The following MIPEP variants were observed in gnomAD, a reference collection of about 807,000 sequenced individuals.
MIPEP encodes the protein mitochondrial intermediate peptidase.
MIPEP carries 79 observed loss-of-function variants against 90.3 expected under a neutral mutation model. The ratio of observed to expected loss-of-function variants is 0.87; its 90% CI spans 0.73 to 1.05. MIPEP has a LOEUF of 1.05. MIPEP is among the 50% of genes least tolerant of loss of function. The pLI, the probability that MIPEP is intolerant of heterozygous loss-of-function variation, is 0.00. For synonymous variants in MIPEP, 334 were observed against 315.8 expected (o/e 1.06, Z -0.61); for missense variants, 940 against 905.6 (o/e 1.04, Z -0.49).
intron 16 of MIPEP, among the ~76,000 whole-genome samples, chr13:23,791,471 G>GC (rs1450344368): frequency 5.9e-5 from 9 of 152,106 alleles, no homozygotes; most frequent in Admixed American, 5.2e-4. Context: ...ACTGAGCAAA[G>GC]CCCCGGAAGA....
chr13:23,813,372 G>A (rs571826999), intron 14 of MIPEP, among the ~76,000 whole-genome samples: 2 of 152,256 alleles, frequency 1.3e-5, no homozygotes, highest in Admixed American at 6.5e-5. Context: ...AGATGTGCAA[G>A]TCCCTGCTGT....
intron 16 of MIPEP, among the ~76,000 whole-genome samples, chr13:23,801,679 T>C (rs1483080283): frequency 5.9e-5 from 9 of 152,272 alleles, no homozygotes; most frequent in African/African-American, 1.2e-4. Flanking sequence ...CTCTGAACTT[T>C]ATATAAATGT....
intron 14 of MIPEP, among the ~76,000 whole-genome samples, chr13:23,825,113 C>G (rs991107754): frequency 4.6e-5 from 7 of 152,118 alleles, no homozygotes; most frequent in Admixed American, 2.6e-4. Context: ...TATAAAGGAG[C>G]AGAAAAGTCT....
At position 23,809,845 on chromosome 13, in the gene MIPEP, C is replaced by A. The variant is rs557275294; in HGVS notation, c.1728+5G>T. 115 of 1,600,324 alleles carry A rather than the reference C, an allele frequency of 7.2e-5. No individual in the cohort carries two copies. In the Middle Eastern group the frequency reaches 8.3e-4, roughly 12 times the overall value. ...GAAAACTTCAGAACAAAGGTACATA[C>A]ATACCTGAAGTTGCATATCAGCTGC... On this transcript the variant is annotated splice_donor_5th_base_variant and intron_variant, in intron 15 of 18. Coordinates refer to ENST00000382172, the MANE Select transcript of MIPEP (RefSeq NM_005932.4).
At chr13:23,777,192 C>T (rs988405810) in intron 16 of MIPEP, among the ~76,000 whole-genome samples, 1 of 152,174 alleles carries the variant, frequency 6.6e-6, no homozygotes, top group African/African-American at 2.4e-5. Context: ...TGCTGTGGCT[C>T]TCAACTCTGA....
At chr13:23,886,839 A>G (rs1391949009) in intron 1 of MIPEP, among the ~76,000 whole-genome samples, 1 of 151,766 alleles carries the variant, frequency 6.6e-6, no homozygotes, top group Non-Finnish European at 1.5e-5. Flanking sequence ...GTAAATATAT[A>G]TATATATATA....
intron 18 of MIPEP, among the ~76,000 whole-genome samples, chr13:23,748,653 T>C (rs1442910049): frequency 2.6e-5 from 4 of 152,248 alleles, no homozygotes; most frequent in Admixed American, 2.6e-4. Context: ...AATGTATCTG[T>C]GTGAAGGGGT....
At position 23,837,693 on chromosome 13, in the gene MIPEP, C is replaced by T. The variant is rs1279421722; in HGVS notation, c.1402G>A (p.Val468Ile). Reference sequence around the variant, plus strand: ...CGGGGAAGATTCAGCATAAGAACTACAACTGGGAGTTGATAGTCTCCATCT... The same window carrying T: ...CGGGGAAGATTCAGCATAAGAACTATAACTGGGAGTTGATAGTCTCCATCT... ...KEDGDYQLPV[V>I]VLMLNLPRSS... Residue 468 changes from valine to isoleucine, a missense_variant, in exon 13 of 19, where the codon GTA becomes ATA. Val to Ile is a conservative substitution (Grantham distance 29). Coordinates refer to ENST00000382172, the MANE Select transcript of MIPEP (RefSeq NM_005932.4). The T allele has an allele frequency of 1.2e-6, 2 of 1,614,108 alleles. No individual in the cohort carries two copies. Among genetic ancestry groups the T allele is most frequent in the Non-Finnish European group, 1.7e-6 (2 of 1,179,936 alleles).
intron 16 of MIPEP, among the ~76,000 whole-genome samples, chr13:23,780,640 A>AT (rs1952771719): frequency 6.6e-6 from 1 of 152,248 alleles, no homozygotes; most frequent in South Asian, 2.1e-4. Flanking sequence ...AAGGCTTCAG[A>AT]TGATCAAACT....
At chr13:23,789,231 C>T (rs559049239) in intron 16 of MIPEP, among the ~76,000 whole-genome samples, 3 of 152,226 alleles carry the variant, frequency 2.0e-5, no homozygotes, top group South Asian at 2.1e-4. Context: ...AGTTTGTTTG[C>T]CAGTACATTT....
chr13:23,831,408 G>A (rs1337396110), intron 14 of MIPEP, among the ~76,000 whole-genome samples: 1 of 150,432 alleles, frequency 6.6e-6, no homozygotes, highest in Non-Finnish European at 1.5e-5. Context: ...GATGGGAATT[G>A]CCTTACTGCA....
At chr13:23,885,725 T>G (rs1428438539) in intron 2 of MIPEP, among the ~76,000 whole-genome samples, 3 of 151,644 alleles carry the variant, frequency 2.0e-5, no homozygotes, top group Non-Finnish European at 4.4e-5. Context: ...ATGTCAAAAC[T>G]TGGTTTTTAA....
At chr13:23,875,025 A>G (rs1308454590) in intron 4 of MIPEP, 116 bp from the exon 5 acceptor site, 1 of 444,470 alleles carries the variant, frequency 2.2e-6, no homozygotes. Context: ...AAGTTTCTTC[A>G]AAACACACAC....
chr13:23,802,698 T>TTTTTTTTTTTTTTTTTTTGAGACGG (rs1953058257), intron 16 of MIPEP, among the ~76,000 whole-genome samples: 1 of 152,106 alleles, frequency 6.6e-6, no homozygotes, highest in African/African-American at 2.4e-5. Context: ...AAAGATTTTT[T>TTTTTTTTTTTTTTTTTTTGAGACGG]AACTTTAAGA....
At chr13:23,760,321 T>C in intron 16 of MIPEP, 104 bp from the exon 17 acceptor site, 1 of 1,455,026 alleles carries the variant, frequency 6.9e-7, no homozygotes, top group East Asian at 2.3e-5. Flanking sequence ...CGTAAATGCT[T>C]TCATTTGCAT....
intron 16 of MIPEP, among the ~76,000 whole-genome samples, chr13:23,794,264 G>A (rs1005343098): frequency 1.1e-4 from 17 of 152,160 alleles, no homozygotes; most frequent in African/African-American, 4.1e-4. Context: ...GACCTGAGGA[G>A]GAGGGAGACT....
chr13:23,876,690 G>A (rs1414858981), intron 4 of MIPEP, among the ~76,000 whole-genome samples: 1 of 143,242 alleles, frequency 7.0e-6, no homozygotes, highest in Non-Finnish European at 1.6e-5. Flanking sequence ...CAACATTTGT[G>A]TGTTCTGACT....
chr13:23,747,096 G>C (rs970283771), intron 18 of MIPEP, among the ~76,000 whole-genome samples: 1 of 152,172 alleles, frequency 6.6e-6, no homozygotes, highest in Non-Finnish European at 1.5e-5. Flanking sequence ...GAGTGTGACC[G>C]ACTCCTGACT....
chr13:23,851,682 T>C (rs549664621), intron 10 of MIPEP, among the ~76,000 whole-genome samples: 1 of 127,640 alleles, frequency 7.8e-6, no homozygotes, highest in Non-Finnish European at 1.6e-5. Flanking sequence ...TGATATTTCA[T>C]GTCTTTTTTT....
Sources: gnomAD v4.1 joint callset for allele counts (sites outside exome capture counted in the v4.1 genomes callset) on GRCh38, gnomAD v4.1.1 for gene constraint, MANE v1.5 for transcripts, NCBI Gene and HGNC (gene_info 2026-07-23, HGNC 2026-07-21) for gene names.